Variants in SUPT3H observed in about 807,000 individuals in gnomAD.
SUPT3H encodes SPT3 homolog, SAGA and STAGA complex component.
SUPT3H carries 44 observed loss-of-function variants against 44.3 expected under a neutral mutation model. The ratio of observed to expected loss-of-function variants is 0.99; its 90% CI spans 0.78 to 1.28. The LOEUF (loss-of-function observed/expected upper bound fraction) is 1.28, where lower values mean the gene tolerates loss of function less well. SUPT3H is among the 50% of genes most tolerant of loss of function. SUPT3H has a pLI of 0.00. For synonymous variants in SUPT3H, 124 were observed against 125.6 expected (o/e 0.99, Z 0.09); for missense variants, 380 against 387.1 (o/e 0.98, Z 0.15).
rs35575281 is a variant in SUPT3H at position 45,050,878 on chromosome 6, A to ATTT, written c.187-30249_187-30247dup. On this transcript the variant is annotated intron_variant, in intron 3 of 10. Transcript: ENST00000371459. ...CCTTGTGTGTATAAGAGGGTATGGGATTTTTTTTTTTTTTTTTTTTTTTTG... is the reference window on the plus strand; with the variant it reads ...CCTTGTGTGTATAAGAGGGTATGGGATTTTTTTTTTTTTTTTTTTTTTTTTTTG... Among the ~76,000 whole-genome samples, 724 of 86,132 alleles carry ATTT rather than the reference A, an allele frequency of 8.4e-3. 8 individuals carry two copies. Among genetic ancestry groups the ATTT allele is most frequent in the African/African-American group, 0.016 (363 of 23,232 alleles). 56.5% of individuals were successfully genotyped at this position (86,132 alleles called of 152,430 possible). A position where few individuals can be genotyped will look rare whatever the true frequency, so the allele number is the denominator to read the frequency against.
intron 2 of SUPT3H, among the ~76,000 whole-genome samples, chr6:45,211,044 G>A (rs1216248311): frequency 1.3e-5 from 2 of 152,060 alleles, no homozygotes; most frequent in African/African-American, 4.8e-5. Flanking sequence ...TTCCACAAAG[G>A]AGCATGGGAA....
chr6:45,145,053 G>T (rs193162878), intron 2 of SUPT3H, among the ~76,000 whole-genome samples: 2 of 152,096 alleles, frequency 1.3e-5, no homozygotes, highest in South Asian at 4.1e-4. Flanking sequence ...CCATGCTCAT[G>T]GATGGGGAGA....
At chr6:45,324,652 C>T (rs937494769) in intron 2 of SUPT3H, among the ~76,000 whole-genome samples, 1 of 151,530 alleles carries the variant, frequency 6.6e-6, no homozygotes, top group African/African-American at 2.4e-5. Flanking sequence ...GGAGGGAAGG[C>T]AGGAGAGATT....
At position 44,827,626 on chromosome 6, in the gene SUPT3H, A is replaced by ATTTTC. The variant is rs1163269171; in HGVS notation, c.*2185_*2189dup. 6.6e-6 allele frequency among the ~76,000 whole-genome samples: 1 copy of ATTTTC among 152,010 alleles called. No homozygotes were observed. The highest frequency in any genetic ancestry group is 2.4e-5 in the African/African-American group (1 of 41,416). The stretch of plus-strand genomic sequence containing the variant: ...GTTTTCTTAAACATTCCTTCTGTAA[A>ATTTTC]TTTTCTTTTGTTTCTATAGTCACTG... On this transcript the variant is annotated 3_prime_UTR_variant, in exon 11 of 11. Transcript: ENST00000371459.
intron 2 of SUPT3H, among the ~76,000 whole-genome samples, chr6:45,158,300 T>TATATATATA (rs1562573429): frequency 6.3e-5 from 4 of 63,716 alleles, no homozygotes; most frequent in African/African-American, 2.6e-4. Flanking sequence ...ATATATATAT[T>TATATATATA]TTTTTTTTTT....
Position 45,220,578 on chromosome 6 carries a change from C to T in SUPT3H, c.102-114572G>A, listed in dbSNP as rs146469602. 4.6e-5 allele frequency among the ~76,000 whole-genome samples: 7 copies of T among 152,298 alleles called. No homozygotes were observed. The East Asian group carries it at 1.2e-3, about 25-fold the overall frequency. On this transcript the variant is annotated intron_variant, in intron 2 of 10. Coordinates refer to ENST00000371459, the MANE Select transcript of SUPT3H (RefSeq NM_003599.4). ...TACTTACTGGAAGTTCTAGCTAGTA[C>T]ACCACCATAAGAAAAAGAAATAAAA...
intron 2 of SUPT3H, among the ~76,000 whole-genome samples, chr6:45,287,807 T>C (rs746466568): frequency 5.9e-5 from 9 of 152,190 alleles, no homozygotes; most frequent in Non-Finnish European, 1.3e-4. Context: ...CATTAATCAA[T>C]TTCAATAGTT....
At chr6:44,952,258 A>G (rs1489812167) in intron 9 of SUPT3H, among the ~76,000 whole-genome samples, 2 of 152,214 alleles carry the variant, frequency 1.3e-5, no homozygotes, top group East Asian at 1.9e-4. Context: ...GATCCCTTGG[A>G]TCCATAGAAT....
chr6:44,870,728 C>T (rs1444013931), intron 10 of SUPT3H, among the ~76,000 whole-genome samples: 1 of 151,426 alleles, frequency 6.6e-6, no homozygotes, highest in African/African-American at 2.4e-5. Context: ...GCATTTCCAT[C>T]TGAGGTACCG....
chr6:45,008,614 C>A (rs914409962), intron 5 of SUPT3H, among the ~76,000 whole-genome samples: 3 of 151,978 alleles, frequency 2.0e-5, no homozygotes, highest in African/African-American at 7.2e-5. Flanking sequence ...CTCAGCCTCC[C>A]AAAATGCTGG....
At chr6:44,865,037 T>C (rs890442020) in intron 10 of SUPT3H, among the ~76,000 whole-genome samples, 1 of 152,228 alleles carries the variant, frequency 6.6e-6, no homozygotes, top group Admixed American at 6.5e-5. Context: ...AGAAATTTCT[T>C]CTGCCAGATA....
chr6:44,981,098 A>G (rs1265576487), intron 6 of SUPT3H, among the ~76,000 whole-genome samples: 1 of 152,174 alleles, frequency 6.6e-6, no homozygotes, highest in East Asian at 1.9e-4. Context: ...TGCTACTGAC[A>G]TGTTCTACTC....
At chr6:45,273,319 G>A (rs145027765) in intron 2 of SUPT3H, among the ~76,000 whole-genome samples, 2,676 of 152,200 alleles carry the variant, frequency 0.018, 50 homozygotes, top group South Asian at 0.085. Flanking sequence ...GAAATGAGAC[G>A]TTCATTTGTA....
intron 6 of SUPT3H, among the ~76,000 whole-genome samples, chr6:44,992,070 T>G (rs9885623): frequency 1.3e-5 from 2 of 152,214 alleles, no homozygotes; most frequent in Non-Finnish European, 2.9e-5. Context: ...TTGAGAACTA[T>G]AAACATTAAA....
intron 2 of SUPT3H, among the ~76,000 whole-genome samples, chr6:45,158,298 A>ATATATATATATTTT: frequency 7.0e-5 from 7 of 99,694 alleles, no homozygotes; most frequent in African/African-American, 3.5e-4. Flanking sequence ...ATATATATAT[A>ATATATATATATTTT]TTTTTTTTTT....
intron 10 of SUPT3H, among the ~76,000 whole-genome samples, chr6:44,885,012 G>A (rs1006634339): frequency 1.3e-5 from 2 of 152,156 alleles, no homozygotes; most frequent in African/African-American, 4.8e-5. Context: ...CTGGCTGATT[G>A]CTAGCACAGC....
intron 2 of SUPT3H, among the ~76,000 whole-genome samples, chr6:45,207,203 G>A (rs1052803201): frequency 6.6e-6 from 1 of 152,172 alleles, no homozygotes; most frequent in African/African-American, 2.4e-5. Flanking sequence ...AGACTGAGGT[G>A]TTCTGGAAGT....
At chr6:45,304,511 G>A (rs1316100194) in intron 2 of SUPT3H, among the ~76,000 whole-genome samples, 1 of 152,146 alleles carries the variant, frequency 6.6e-6, no homozygotes, top group Non-Finnish European at 1.5e-5. Context: ...TACAAGGCTA[G>A]TATCATTTTC....
chr6:45,298,619 A>G (rs564091991), intron 2 of SUPT3H, among the ~76,000 whole-genome samples: 6 of 152,204 alleles, frequency 3.9e-5, no homozygotes, highest in African/African-American at 1.4e-4. Flanking sequence ...TTAATGACCA[A>G]TAACTCAAAC....
Sources: gnomAD v4.1 joint callset for allele counts (sites outside exome capture counted in the v4.1 genomes callset) on GRCh38, gnomAD v4.1.1 for gene constraint, MANE v1.5 for transcripts, NCBI Gene and HGNC (gene_info 2026-07-23, HGNC 2026-07-21) for gene names.